Variants in MRS2 observed in about 807,000 individuals in gnomAD.
MRS2 encodes magnesium transporter MRS2 homolog, mitochondrial.
Under a neutral mutation model 52.6 loss-of-function variants are expected in MRS2, and 40 were observed. The observed-to-expected ratio is 0.76, with a 90% CI of 0.59 to 0.99. The LOEUF (loss-of-function observed/expected upper bound fraction) is 0.99, where lower values mean the gene tolerates loss of function less well. Among genes scored for constraint, MRS2 ranks in the 50% least tolerant of loss-of-function variants. The pLI, the probability that MRS2 is intolerant of heterozygous loss-of-function variation, is 0.00. For synonymous variants in MRS2, 193 were observed against 195.9 expected, an observed-to-expected ratio of 0.98 and a Z score of 0.13; for missense variants, 472 against 532.7, an observed-to-expected ratio of 0.89 and a Z score of 1.12.
Position 24,412,346 on chromosome 6 carries a change from A to G in MRS2, c.539A>G (p.Tyr180Cys). 6.3e-7 allele frequency: 1 copy of G among 1,593,778 alleles called. No individual in the cohort carries two copies. The highest frequency in any genetic ancestry group is 1.4e-5 in the African/African-American group (1 of 74,018). ...QLSGEGQLVT[Y>C]PLPFEFRAIE... ...TCTGGAGAGGGTCAACTCGTTACATACCCTTTACCTTTTGAGTTTAGAGCT... is the reference window on the plus strand; with the variant it reads ...TCTGGAGAGGGTCAACTCGTTACATGCCCTTTACCTTTTGAGTTTAGAGCT... The change falls in exon 5 of 11, where the codon TAC becomes TGC. Residue 180 changes from tyrosine to cysteine, a missense_variant. Transcript: ENST00000378386.
intron 3 of MRS2, among the ~76,000 whole-genome samples, chr6:24,409,197 A>G (rs1761571542): frequency 6.6e-6 from 1 of 152,210 alleles, no homozygotes; most frequent in Admixed American, 6.5e-5. Context: ...CTAATGATGC[A>G]TAGTTGTGGT....
intron 7 of MRS2, 143 bp downstream of exon 7, chr6:24,416,656 T>C (rs1761860065): frequency 3.1e-6 from 2 of 654,162 alleles, no homozygotes; most frequent in East Asian, 2.7e-5. Flanking sequence ...TTTCCCTTTT[T>C]TCCTGTGCAG....
At chr6:24,423,282 A>T (rs561726776) in intron 10 of MRS2, 1 of 490,850 alleles carries the variant, frequency 2.0e-6, no homozygotes, top group Non-Finnish European at 3.6e-6. Context: ...GCCTAACACA[A>T]TAAGTTAGAA....
In MRS2 at chr6:24,403,194, C is replaced by T; in HGVS notation, c.148C>T (p.Arg50Ter). The stretch of plus-strand genomic sequence containing the variant: ...CCGAGCCAACCTGATTGGAAGGAGC[C>T]GAGCGGCGCAGCTTTGCGGGCCCGA... ...GRRANLIGRS[R>*]AAQLCGPDRL... The change falls in exon 1 of 11, where the codon CGA becomes TGA. Residue 50 changes from arginine (R) to a stop codon, truncating the protein, a stop_gained. Coordinates refer to ENST00000378386, the MANE Select transcript of MRS2 (RefSeq NM_020662.4). LOFTEE classifies it high-confidence loss of function. 2.5e-6 allele frequency: 4 copies of T among 1,604,456 alleles called. No homozygotes were observed. Among genetic ancestry groups the T allele is most frequent in the Non-Finnish European group, 3.4e-6 (4 of 1,179,636 alleles).
In MRS2 at chr6:24,425,189, C is replaced by T. The variant is rs904522182; in HGVS notation, c.*1495C>T. The stretch of plus-strand genomic sequence containing the variant: ...TTTCACAGGGCACACTTTTGGCACA[C>T]CTCAGAGCACACTGCTGCTATTTTG... On this transcript the variant is annotated 3_prime_UTR_variant, in exon 11 of 11. Transcript: ENST00000378386. 3 of 152,172 alleles carry T rather than the reference C, an allele frequency of 2.0e-5. No individual in the cohort carries two copies. The highest frequency in any genetic ancestry group is 1.5e-5 in the Non-Finnish European group (1 of 68,044). The allele number at this position is 152,172 out of a possible 1,614,324, so 9.4% of individuals were successfully genotyped here.
In MRS2 at chr6:24,425,272, G is replaced by C. The variant is rs751596546; in HGVS notation, c.*1578G>C. 2.6e-5 allele frequency: 4 copies of C among 152,128 alleles called. No individual in the cohort carries two copies. Among genetic ancestry groups the C allele is most frequent in the Non-Finnish European group, 5.9e-5 (4 of 68,024 alleles). 9.4% of individuals were successfully genotyped at this position (152,128 alleles called of 1,614,324 possible). A position where few individuals can be genotyped will look rare whatever the true frequency, so the allele number is the denominator to read the frequency against. Reference sequence around the variant, plus strand: ...TACTTAACTGTGACATGAAGAATTGGAATCCCAGAGGGCAACATTTGATTT... The same window carrying C: ...TACTTAACTGTGACATGAAGAATTGCAATCCCAGAGGGCAACATTTGATTT... On this transcript the variant is annotated 3_prime_UTR_variant, in exon 11 of 11. Transcript: ENST00000378386.
At chr6:24,405,789 C>CTTTAAA (rs1761451279) in intron 2 of MRS2, among the ~76,000 whole-genome samples, 1 of 109,908 alleles carries the variant, frequency 9.1e-6, no homozygotes, top group Admixed American at 9.5e-5. Context: ...TTTTTTTTTC[C>CTTTAAA]AAAAAAAAAA....
At chr6:24,408,919 C>CTTTTTAAAA (rs1761563527) in intron 3 of MRS2, among the ~76,000 whole-genome samples, 1 of 152,160 alleles carries the variant, frequency 6.6e-6, no homozygotes, top group South Asian at 2.1e-4. Flanking sequence ...TCTCTGTGGA[C>CTTTTTAAAA]AGCTACTTTA....
chr6:24,415,574 C>T (rs985346277), intron 6 of MRS2, among the ~76,000 whole-genome samples: 29 of 152,136 alleles, frequency 1.9e-4, no homozygotes, highest in African/African-American at 6.0e-4. Flanking sequence ...AATAAACATG[C>T]TCTCAGGAGT....
chr6:24,408,971 G>A (rs544608347), intron 3 of MRS2, among the ~76,000 whole-genome samples: 2 of 152,288 alleles, frequency 1.3e-5, no homozygotes, highest in African/African-American at 2.4e-5. Flanking sequence ...GACTTCAGAT[G>A]TGAGTTTCAC....
chr6:24,410,264 C>T (rs1485042856), intron 4 of MRS2, among the ~76,000 whole-genome samples: 1 of 152,202 alleles, frequency 6.6e-6, no homozygotes, highest in East Asian at 1.9e-4. Context: ...CAGGCATGAG[C>T]CACCGTGCCT....
intron 1 of MRS2, among the ~76,000 whole-genome samples, chr6:24,404,916 G>A (rs1173630318): frequency 6.6e-6 from 1 of 152,200 alleles, no homozygotes; most frequent in Non-Finnish European, 1.5e-5. Flanking sequence ...AAAGGTAAAA[G>A]GGTGATTGGA....
intron 5 of MRS2, among the ~76,000 whole-genome samples, chr6:24,412,755 A>C (rs879504217): frequency 6.6e-6 from 1 of 152,318 alleles, no homozygotes; most frequent in Admixed American, 6.5e-5. Flanking sequence ...CAGTTCTTCC[A>C]GTGACTCCTC....
At chr6:24,422,059 A>C (rs1023133321) in intron 9 of MRS2, among the ~76,000 whole-genome samples, 4 of 152,178 alleles carry the variant, frequency 2.6e-5, no homozygotes, top group Admixed American at 6.5e-5. Context: ...CCGAGGCACA[A>C]GAATCGCTTG....
Position 24,405,241 on chromosome 6 carries a change from G to T in MRS2, c.264G>T (p.Val88=). The T allele has an allele frequency of 6.2e-7, 1 of 1,609,694 alleles. No individual in the cohort carries two copies. The highest frequency in any genetic ancestry group is 2.2e-5 in the East Asian group (1 of 44,844). ...TLASVAPVFT[V]TKFDKQGNVT... ...CCAGTGTAGCCCCAGTATTTACTGT[G>T]GTGAGTATGTACAGTACATTGGAAA... The change falls in exon 2 of 11, where the codon GTG becomes GTT. Residue 88 remains valine, a splice_region_variant and synonymous_variant. Coordinates refer to ENST00000378386, the MANE Select transcript of MRS2 (RefSeq NM_020662.4).
At chr6:24,417,933 T>C (rs1374529004) in intron 7 of MRS2, 151 bp from the exon 8 acceptor site, 7 of 587,284 alleles carry the variant, frequency 1.2e-5, no homozygotes, top group Non-Finnish European at 1.9e-5. Context: ...AGAGTGAAAC[T>C]CCATCTCAAA....
intron 3 of MRS2, 141 bp downstream of exon 3, chr6:24,408,585 A>G (rs147570699): frequency 1.8e-5 from 12 of 650,962 alleles, no homozygotes; most frequent in Non-Finnish European, 3.0e-5. Context: ...GCATTTGTCC[A>G]TCAGTCTTAA....
chr6:24,423,462 A>G (rs564602833), intron 10 of MRS2, 122 bp from the exon 11 acceptor site: 1 of 529,366 alleles, frequency 1.9e-6, no homozygotes, highest in East Asian at 3.0e-5. Context: ...ACTGGAATAA[A>G]TACTTAAGAC....
rs1205062648 is a variant in MRS2, at chr6:24,423,471, A to T, written c.1222-113A>T. The T allele has an allele frequency of 5.5e-6, 3 of 544,306 alleles. No individual in the cohort carries two copies. The African/African-American group carries it at 5.7e-5, about 10-fold the overall frequency. 33.7% of individuals were successfully genotyped at this position (544,306 alleles called of 1,614,324 possible). On this transcript the variant is annotated intron_variant, in intron 10 of 10. Coordinates refer to ENST00000378386, the MANE Select transcript of MRS2 (RefSeq NM_020662.4). ...GGCACCACTGGAATAAATACTTAAGACACTGATACTGCTTATAGTCCTTTC... is the reference window on the plus strand; with the variant it reads ...GGCACCACTGGAATAAATACTTAAGTCACTGATACTGCTTATAGTCCTTTC...
Sources: allele counts gnomAD v4.1 joint callset (sites outside exome capture counted in the v4.1 genomes callset), GRCh38; gene constraint gnomAD v4.1.1; transcripts MANE v1.5; gene names NCBI Gene and HGNC (gene_info 2026-07-23, HGNC 2026-07-21).